SECISBP2: variants seen among roughly 807,000 people sequenced by gnomAD.
The protein encoded by SECISBP2 is selenocysteine insertion sequence-binding protein 2.
SECISBP2 carries 96 observed loss-of-function variants against 98.2 expected under a neutral mutation model. The ratio of observed to expected loss-of-function variants is 0.98; its 90% CI spans 0.83 to 1.16. SECISBP2 has a LOEUF of 1.16. Ranked by LOEUF, SECISBP2 falls within the 50% of genes most tolerant of loss-of-function variation. The pLI is 0.00. For missense variants in SECISBP2, 1,046 were observed against 1,022.9 expected, an observed-to-expected ratio of 1.02 and a Z score of -0.31; for synonymous variants, 407 against 370.2, an observed-to-expected ratio of 1.10 and a Z score of -1.14.
Position 89,350,847 on chromosome 9 carries a change from C to T in SECISBP2, c.2108C>T (p.Ser703Leu). 5 of 1,613,780 alleles carry T rather than the reference C, an allele frequency of 3.1e-6. No individual in the cohort carries two copies. The highest frequency in any genetic ancestry group is 4.2e-6 in the Non-Finnish European group (5 of 1,179,666). The change falls in exon 14 of 17, where the codon TCA becomes TTA. Residue 703 changes from serine (S) to leucine (L), a missense_variant. Transcript: ENST00000375807. The stretch of plus-strand genomic sequence containing the variant: ...TCTCCCAACTGTGAGAAGATACAGT[C>T]AAAAGGTAAAGGCACAGTGTGGTCC... ...IISPNCEKIQ[S>L]KGGLDDTLHT...
chr9:89,328,290 A>G (rs1320064964), intron 4 of SECISBP2, among the ~76,000 whole-genome samples: 4 of 152,226 alleles, frequency 2.6e-5, no homozygotes, highest in Non-Finnish European at 5.9e-5. Flanking sequence ...AACGTGAGTA[A>G]TCGCACCATG....
chr9:89,357,690 C>T, intron 15 of SECISBP2, 125 bp downstream of exon 15: 1 of 1,183,964 alleles, frequency 8.4e-7, no homozygotes, highest in East Asian at 2.3e-5. Flanking sequence ...TGAGGAGGAG[C>T]CACCACTTAG....
intron 8 of SECISBP2, among the ~76,000 whole-genome samples, chr9:89,339,061 A>G (rs1162433666): frequency 2.0e-5 from 3 of 152,236 alleles, no homozygotes; most frequent in Non-Finnish European, 4.4e-5. Context: ...TAATTGTTCC[A>G]TGATACTCCA....
intron 2 of SECISBP2, chr9:89,324,787 C>G (rs1329997331): frequency 6.5e-6 from 1 of 153,018 alleles, no homozygotes; most frequent in East Asian, 1.9e-4. Flanking sequence ...AAGGTTGAAA[C>G]CTGTAGCCTT....
chr9:89,363,528 C>A (rs373051204), downstream of SECISBP2: 38 of 1,613,950 alleles, frequency 2.4e-5, no homozygotes, highest in South Asian at 3.0e-4. Flanking sequence ...TGGGTCACTT[C>A]TGGAAAACAA....
chr9:89,348,898 G>C (rs975203124), intron 12 of SECISBP2, among the ~76,000 whole-genome samples: 1 of 152,268 alleles, frequency 6.6e-6, no homozygotes, highest in Non-Finnish European at 1.5e-5. Context: ...TTGGACGAAT[G>C]TACAGGGTTG....
rs569440081 is a variant in SECISBP2 at position 89,340,054 on chromosome 9, C to T, written c.1302+101C>T. 184 of 826,500 alleles carry T rather than the reference C, an allele frequency of 2.2e-4. 2 individuals are homozygous for T. The South Asian group carries it at 2.5e-3, about 11-fold the overall frequency. The allele number at this position is 826,500 out of a possible 1,614,324, so 51.2% of individuals were successfully genotyped here. A position where few individuals can be genotyped will look rare whatever the true frequency, so the allele number is the denominator to read the frequency against. On this transcript the variant is annotated intron_variant, in intron 9 of 16. Transcript: ENST00000375807. ...CTTTCCAGACATTTCTGTATGGTGA[C>T]AGGTGGTTTTGTTTTGATTCATTCC...
chr9:89,333,364 G>A lies in SECISBP2; in HGVS notation c.880+378G>A, dbSNP rs143550419. 7.8e-3 allele frequency among the ~76,000 whole-genome samples: 1,187 copies of A among 152,304 alleles called. 9 individuals carry two copies. Among genetic ancestry groups the A allele is most frequent in the South Asian group, 0.018 (88 of 4,832 alleles). On this transcript the variant is annotated intron_variant, in intron 6 of 16. Transcript: ENST00000375807. ...CCTGTCAACATTTGCCCTATTCAAA[G>A]TTCAAACAAATTTGCTTAAAAATAA... is the stretch of plus-strand genomic sequence containing the variant.
downstream of SECISBP2, chr9:89,363,801 A>G: frequency 6.2e-7 from 1 of 1,614,062 alleles, no homozygotes; most frequent in Non-Finnish European, 8.5e-7. Context: ...GAGAGGACAG[A>G]GCAGCGATAC....
chr9:89,357,931 G>A, intron 15 of SECISBP2, 68 bp from the exon 16 acceptor site: 1 of 1,546,394 alleles, frequency 6.5e-7, no homozygotes, highest in East Asian at 2.3e-5. Flanking sequence ...GGTGGCCATT[G>A]CTGAGTTTGA....
At chr9:89,332,862 T>G in intron 5 of SECISBP2, 46 bp from the exon 6 acceptor site, 2 of 1,465,396 alleles carry the variant, frequency 1.4e-6, no homozygotes, top group Non-Finnish European at 1.9e-6. Flanking sequence ...ATCTCCTTGT[T>G]TTAATTTGCA....
intron 10 of SECISBP2, among the ~76,000 whole-genome samples, chr9:89,345,817 A>G (rs1830336573): frequency 1.3e-5 from 2 of 152,206 alleles, no homozygotes; most frequent in Admixed American, 6.5e-5. Context: ...TGAGAAAAAC[A>G]ATTGAGCCAG....
the SECISBP2 span, chr9:89,364,884 C>A: frequency 6.7e-6 from 1 of 149,244 alleles, no homozygotes; most frequent in Middle Eastern, 3.5e-3. Flanking sequence ...GAGGGCTACT[C>A]CTAGACACTA....
At chr9:89,319,865 A>T in intron 2 of SECISBP2, 68 bp downstream of exon 2, 1 of 1,523,918 alleles carries the variant, frequency 6.6e-7, no homozygotes, top group Non-Finnish European at 9.1e-7. Context: ...TAGACTTTCA[A>T]ATACTCAGCA....
At chr9:89,364,764 T>G in the SECISBP2 span, 4 of 152,562 alleles carry the variant, frequency 2.6e-5, no homozygotes, top group African/African-American at 7.2e-5. Context: ...GCTTGTCTGA[T>G]GGAGAGATCA....
chr9:89,364,995 C>T, the SECISBP2 span: 1 of 152,290 alleles, frequency 6.6e-6, no homozygotes, highest in African/African-American at 2.4e-5. Context: ...AGGTCACCTC[C>T]CGGCCTTCCT....
intron 4 of SECISBP2, among the ~76,000 whole-genome samples, chr9:89,327,164 CAAA>C (rs769384820): frequency 5.0e-5 from 6 of 121,108 alleles, no homozygotes; most frequent in South Asian, 2.6e-4. Context: ...ACTCCGTCTC[CAAA>C]AAAAAAAAAA....
downstream of SECISBP2, chr9:89,364,505 C>T (rs1022416301): frequency 1.1e-5 from 2 of 185,442 alleles, no homozygotes; most frequent in Non-Finnish European, 2.3e-5. Context: ...CTGGAGAGCT[C>T]AGACCCTGGC....
At chr9:89,355,524 T>A in intron 14 of SECISBP2, 2 of 972,980 alleles carry the variant, frequency 2.1e-6, no homozygotes, top group Non-Finnish European at 2.4e-6. Context: ...GATTTGTACC[T>A]TTTTTATAAG....
Sources: allele counts gnomAD v4.1 joint callset (sites outside exome capture counted in the v4.1 genomes callset), GRCh38; gene constraint gnomAD v4.1.1; transcripts MANE v1.5; gene names NCBI Gene and HGNC (gene_info 2026-07-23, HGNC 2026-07-21).